Variants in IL1RAPL2 observed in about 807,000 individuals in gnomAD.
IL1RAPL2 encodes X-linked interleukin-1 receptor accessory protein-like 2.
IL1RAPL2 carries 3 observed loss-of-function variants against 44.1 expected under a neutral mutation model. The ratio of observed to expected loss-of-function variants is 0.07; its 90% CI spans 0.03 to 0.18. IL1RAPL2 has a LOEUF of 0.18. Ranked by LOEUF, IL1RAPL2 falls within the 10% of genes least tolerant of loss-of-function variation. The pLI is 1.00. For missense variants in IL1RAPL2, 391 were observed against 496.4 expected (o/e 0.79, Z 2.02); for synonymous variants, 181 against 178.8 (o/e 1.01, Z -0.10).
intron 2 of IL1RAPL2, among the ~76,000 whole-genome samples, chrX:105,093,842 G>C (rs1413236673): frequency 9.0e-6 from 1 of 111,437 alleles, no homozygotes; most frequent in East Asian, 2.8e-4. Context: ...AAATTATTTT[G>C]CTTCTCCAAC....
chrX:105,603,744 G>A (rs2037272106), intron 6 of IL1RAPL2, among the ~76,000 whole-genome samples: 1 of 111,529 alleles, frequency 9.0e-6, no homozygotes, highest in Middle Eastern at 4.7e-3. Context: ...ATCAGAACAT[G>A]TAACATTATC....
chrX:104,971,208 C>T (rs2030228392), intron 2 of IL1RAPL2, among the ~76,000 whole-genome samples: 2 of 109,824 alleles, frequency 1.8e-5, no homozygotes, highest in Non-Finnish European at 3.8e-5. Flanking sequence ...ATTAGCCGGG[C>T]GTGGTGAGGC....
rs767177887 is a variant in IL1RAPL2 at position 104,703,369 on chromosome X, G to A, written c.82+44374G>A. Among the ~76,000 whole-genome samples the A allele has an allele frequency of 3.6e-5, 4 of 111,711 alleles. No individual in the cohort carries two copies. In the South Asian group the frequency reaches 1.5e-3, roughly 42 times the overall value. On this transcript the variant is annotated intron_variant, in intron 2 of 10. Transcript: ENST00000372582. ...TTATGACCAGTACAACCTTATGCTT[G>A]GTCCTGTGCTCACAGCTCTTTGTGT...
chrX:105,415,099 A>AT (rs1161353716), intron 5 of IL1RAPL2, among the ~76,000 whole-genome samples: 8 of 112,121 alleles, frequency 7.1e-5, no homozygotes, highest in Non-Finnish European at 1.3e-4. Context: ...GTCTTTAAAC[A>AT]TTTGGGAATA....
intron 5 of IL1RAPL2, among the ~76,000 whole-genome samples, chrX:105,338,619 G>A (rs1406322442): frequency 8.9e-6 from 1 of 111,752 alleles, no homozygotes; most frequent in South Asian, 3.7e-4. Flanking sequence ...TCTATGGTGA[G>A]GCCAAGGGGA....
chrX:104,965,553 A>G (rs1167749860), intron 2 of IL1RAPL2, among the ~76,000 whole-genome samples: 4 of 111,722 alleles, frequency 3.6e-5, no homozygotes, highest in African/African-American at 9.8e-5. Context: ...CCCCATGAAC[A>G]TAAATTCACA....
intron 5 of IL1RAPL2, among the ~76,000 whole-genome samples, chrX:105,326,363 CT>C (rs1171883498): frequency 1.8e-5 from 2 of 109,257 alleles, no homozygotes; most frequent in South Asian, 3.9e-4. Context: ...GGCCTGTCTT[CT>C]TTTTTTTTAA....
intron 10 of IL1RAPL2, among the ~76,000 whole-genome samples, chrX:105,764,662 C>T (rs2038715257): frequency 2.7e-5 from 3 of 110,748 alleles, no homozygotes; most frequent in African/African-American, 9.9e-5. Flanking sequence ...AAAAATTAGC[C>T]GAGCATGGTG....
chrX:105,220,248 C>A (rs782665512), intron 3 of IL1RAPL2: 2 of 1,210,025 alleles, frequency 1.7e-6, no homozygotes, highest in African/African-American at 3.5e-5. Context: ...GTATGGCCCT[C>A]AGCTTGTCTT....
chrX:105,146,167 C>T (rs2033177703), intron 2 of IL1RAPL2, among the ~76,000 whole-genome samples: 1 of 111,537 alleles, frequency 9.0e-6, no homozygotes, highest in African/African-American at 3.3e-5. Flanking sequence ...TTTGTCATAG[C>T]AGCTTGAATG....
chrX:105,718,234 C>T (rs1279230855), intron 7 of IL1RAPL2, among the ~76,000 whole-genome samples: 4 of 111,985 alleles, frequency 3.6e-5, no homozygotes, highest in African/African-American at 1.3e-4. Flanking sequence ...TCTTCACTCC[C>T]ATTAAGAATC....
intron 2 of IL1RAPL2, among the ~76,000 whole-genome samples, chrX:104,764,478 T>C (rs999118802): frequency 4.6e-4 from 52 of 112,115 alleles, no homozygotes; most frequent in Non-Finnish European, 7.3e-4. Context: ...TTTTTCCAAA[T>C]GTAAGATGAT....
At chrX:105,278,378 T>A (rs1427269605) in intron 5 of IL1RAPL2, among the ~76,000 whole-genome samples, 1 of 111,575 alleles carries the variant, frequency 9.0e-6, no homozygotes, top group Non-Finnish European at 1.9e-5. Context: ...ACACTGTGAC[T>A]CCTAGCTATG....
chrX:105,666,464 A>G (rs1437384833), intron 6 of IL1RAPL2, among the ~76,000 whole-genome samples: 1 of 112,122 alleles, frequency 8.9e-6, no homozygotes, highest in Non-Finnish European at 1.9e-5. Context: ...TCTTTAACAT[A>G]ACATCTGTAT....
chrX:105,604,431 A>G (rs920261696), intron 6 of IL1RAPL2, among the ~76,000 whole-genome samples: 3 of 110,732 alleles, frequency 2.7e-5, no homozygotes, highest in African/African-American at 9.8e-5. Flanking sequence ...CACATACAAC[A>G]TACTAAGATT....
At chrX:105,109,416 T>A (rs1033501291) in intron 2 of IL1RAPL2, among the ~76,000 whole-genome samples, 9 of 112,427 alleles carry the variant, frequency 8.0e-5, no homozygotes, top group African/African-American at 2.9e-4. Flanking sequence ...TGGAATATTA[T>A]TTAGCCATGA....
intron 2 of IL1RAPL2, among the ~76,000 whole-genome samples, chrX:104,868,218 G>A (rs556762156): frequency 7.1e-5 from 8 of 112,014 alleles, no homozygotes; most frequent in Middle Eastern, 4.6e-3. Context: ...GAACAATGCA[G>A]TCACAAAAGT....
At chrX:105,582,704 A>T (rs1259335199) in intron 6 of IL1RAPL2, among the ~76,000 whole-genome samples, 13 of 107,364 alleles carry the variant, frequency 1.2e-4, no homozygotes, top group African/African-American at 3.0e-4. Context: ...TTTTTTTTTT[A>T]AATCATTAGG....
intron 5 of IL1RAPL2, among the ~76,000 whole-genome samples, chrX:105,408,615 T>C (rs938002232): frequency 8.9e-6 from 1 of 112,138 alleles, no homozygotes. Context: ...TTCTTTGCTT[T>C]GTTATTTTTA....
Sources: allele counts gnomAD v4.1 joint callset (sites outside exome capture counted in the v4.1 genomes callset), GRCh38; gene constraint gnomAD v4.1.1; transcripts MANE v1.5; gene names NCBI Gene and HGNC (gene_info 2026-07-23, HGNC 2026-07-21).